The following MYO3B variants were observed in gnomAD, a reference collection of about 807,000 sequenced individuals.
The protein encoded by MYO3B is myosin IIIB.
In MYO3B, 156 loss-of-function variants were observed where a neutral mutation model predicts 174.6. That is an observed-to-expected ratio of 0.89 (90% CI 0.78 to 1.02). The LOEUF is 1.02. Ranked by LOEUF, MYO3B falls within the 50% of genes least tolerant of loss-of-function variation. The probability of loss-of-function intolerance (pLI) is 0.00; values close to 1 mark genes in which losing one functional copy is unlikely to be tolerated. For synonymous variants in MYO3B, 563 were observed against 569.1 expected, an observed-to-expected ratio of 0.99 and a Z score of 0.15; for missense variants, 1,632 against 1,639.4, an observed-to-expected ratio of 1.00 and a Z score of 0.08.
intron 22 of MYO3B, among the ~76,000 whole-genome samples, chr2:170,413,934 G>T (rs2094561903): frequency 6.6e-6 from 1 of 151,950 alleles, no homozygotes; most frequent in African/African-American, 2.4e-5. Flanking sequence ...CAGCTACTTG[G>T]GAGGCTGAGG....
In MYO3B at chr2:170,542,894, T is replaced by A. The variant is rs888946777; in HGVS notation, c.3576-12T>A. ...AAGTCTTTTAAAATTATTATTATTG[T>A]TATCTTTTCAGGCATTCACAAGCCC... is the stretch of plus-strand genomic sequence containing the variant. On this transcript the variant is annotated splice_polypyrimidine_tract_variant and intron_variant, in intron 30 of 34. Transcript: ENST00000408978. 6.3e-7 allele frequency: 1 copy of A among 1,585,686 alleles called. No homozygotes were observed. Among genetic ancestry groups the A allele is most frequent in the Non-Finnish European group, 8.6e-7 (1 of 1,164,734 alleles).
chr2:170,182,448 T>C (rs1040213622), intron 1 of MYO3B, among the ~76,000 whole-genome samples: 4 of 152,118 alleles, frequency 2.6e-5, no homozygotes, highest in African/African-American at 9.7e-5. Context: ...TGTATTTGAG[T>C]CTACTTTTGG....
At chr2:170,449,496 G>C (rs1683458542) in intron 23 of MYO3B, among the ~76,000 whole-genome samples, 1 of 152,112 alleles carries the variant, frequency 6.6e-6, no homozygotes, top group Admixed American at 6.5e-5. Context: ...AAGTTTTCTT[G>C]GCTGAACACA....
chr2:170,309,043 C>T (rs907094133), intron 7 of MYO3B, among the ~76,000 whole-genome samples: 1 of 152,100 alleles, frequency 6.6e-6, no homozygotes, highest in Non-Finnish European at 1.5e-5. Flanking sequence ...GCCAGTTCTC[C>T]CTGTTGAATC....
At chr2:170,599,194 T>C (rs926717671) in intron 32 of MYO3B, among the ~76,000 whole-genome samples, 10 of 152,228 alleles carry the variant, frequency 6.6e-5, no homozygotes, top group African/African-American at 2.4e-4. Context: ...TCTATCTCTG[T>C]ACCACCCAGT....
At chr2:170,575,183 A>G (rs72625225) in intron 32 of MYO3B, among the ~76,000 whole-genome samples, 7,133 of 152,314 alleles carry the variant, frequency 0.047, 369 homozygotes, top group East Asian at 0.25. Flanking sequence ...TTAGGGCACT[A>G]TTAAAATCAT....
chr2:170,580,718 A>ATATGTGAGTG (rs768974458), intron 32 of MYO3B, among the ~76,000 whole-genome samples: 1 of 142,702 alleles, frequency 7.0e-6, no homozygotes, highest in African/African-American at 2.6e-5. Context: ...AACCTTATAT[A>ATATGTGAGTG]TGTGTGTGTG....
In MYO3B at chr2:170,357,982, G is replaced by A. The variant is rs564265074; in HGVS notation, c.816-11240G>A. ...AGGCTGACCAACATGGAGAAACTCC[G>A]TCTCTACTAAAAATACAAAAGTAGC... is the stretch of plus-strand genomic sequence containing the variant. On this transcript the variant is annotated intron_variant, in intron 8 of 34. Transcript: ENST00000408978. Among the ~76,000 whole-genome samples, 119 of 152,120 alleles carry A rather than the reference G, an allele frequency of 7.8e-4. No individual in the cohort carries two copies. The South Asian group carries it at 0.013, about 16-fold the overall frequency.
At chr2:170,291,458 C>T (rs2093595425) in intron 7 of MYO3B, among the ~76,000 whole-genome samples, 1 of 152,186 alleles carries the variant, frequency 6.6e-6, no homozygotes, top group African/African-American at 2.4e-5. Context: ...GTGGATTGCA[C>T]ACCAAAATTT....
intron 32 of MYO3B, among the ~76,000 whole-genome samples, chr2:170,567,306 A>G (rs1384665259): frequency 6.6e-6 from 1 of 152,214 alleles, no homozygotes; most frequent in African/African-American, 2.4e-5. Flanking sequence ...TGAAATGAAT[A>G]AGGATTTCAA....
intron 7 of MYO3B, among the ~76,000 whole-genome samples, chr2:170,238,695 G>A (rs1438841182): frequency 7.3e-5 from 3 of 41,260 alleles, no homozygotes; most frequent in Non-Finnish European, 1.8e-4. Context: ...ACTTTCACAA[G>A]TTAAAAAAAG....
chr2:170,319,352 C>G (rs902688510), intron 7 of MYO3B, among the ~76,000 whole-genome samples: 1 of 152,020 alleles, frequency 6.6e-6, no homozygotes, highest in Admixed American at 6.6e-5. Flanking sequence ...TCCATCCCAC[C>G]CCAATGATGG....
chr2:170,474,075 A>G (rs939826492), intron 25 of MYO3B, among the ~76,000 whole-genome samples: 5 of 152,304 alleles, frequency 3.3e-5, no homozygotes, highest in African/African-American at 1.2e-4. Context: ...GATCCAGGCA[A>G]TCAAACAGTT....
chr2:170,566,873 T>C (rs2106266890), intron 32 of MYO3B, among the ~76,000 whole-genome samples: 1 of 152,300 alleles, frequency 6.6e-6, no homozygotes, highest in East Asian at 1.9e-4. Context: ...ATCCTTTATA[T>C]CTTGTCATGA....
chr2:170,436,619 C>A lies in MYO3B; in HGVS notation c.2651-7348C>A, dbSNP rs181535509. ...GAGCATCTTGCATATGCACAAATTG[C>A]AGCACTTCCTTTCATTAACAACTTT... On this transcript the variant is annotated intron_variant, in intron 22 of 34. Transcript: ENST00000408978. 1.7e-3 allele frequency among the ~76,000 whole-genome samples: 252 copies of A among 152,312 alleles called. 1 individual carries two copies. Among genetic ancestry groups the A allele is most frequent in the African/African-American group, 5.9e-3 (245 of 41,574 alleles).
intron 32 of MYO3B, among the ~76,000 whole-genome samples, chr2:170,566,972 C>T (rs1021047445): frequency 3.3e-5 from 5 of 152,144 alleles, no homozygotes; most frequent in African/African-American, 1.2e-4. Flanking sequence ...TTTAACATGG[C>T]TGTTTTTCAA....
At chr2:170,496,831 T>C (rs1022364302) in intron 25 of MYO3B, among the ~76,000 whole-genome samples, 9 of 152,028 alleles carry the variant, frequency 5.9e-5, no homozygotes, top group Non-Finnish European at 1.3e-4. Flanking sequence ...TTTGGCCATG[T>C]TGTCCAGGCT....
chr2:170,195,769 C>T (rs942322510), intron 1 of MYO3B, among the ~76,000 whole-genome samples: 1 of 152,166 alleles, frequency 6.6e-6, no homozygotes, highest in African/African-American at 2.4e-5. Flanking sequence ...TGTCTATGTG[C>T]TCCCCCTCCC....
chr2:170,573,010 G>A (rs1350401923), intron 32 of MYO3B, among the ~76,000 whole-genome samples: 3 of 151,856 alleles, frequency 2.0e-5, no homozygotes, highest in Non-Finnish European at 2.9e-5. Context: ...TTGTGTTTTA[G>A]TGATCAGAGC....
Sources: allele counts gnomAD v4.1 joint callset (sites outside exome capture counted in the v4.1 genomes callset), GRCh38; gene constraint gnomAD v4.1.1; transcripts MANE v1.5; gene names NCBI Gene and HGNC (gene_info 2026-07-23, HGNC 2026-07-21).